The following GRID2IP variants were observed in gnomAD, a reference collection of about 807,000 sequenced individuals.
The protein encoded by GRID2IP is Grid2 interacting protein.
Under a neutral mutation model 114.3 loss-of-function variants are expected in GRID2IP, and 78 were observed. The observed-to-expected ratio is 0.68, with a 90% CI of 0.57 to 0.82. The LOEUF is 0.82. GRID2IP is among the 40% of genes least tolerant of loss of function. The probability of loss-of-function intolerance (pLI) is 0.00; values close to 1 mark genes in which losing one functional copy is unlikely to be tolerated. For synonymous variants in GRID2IP, 809 were observed against 724.0 expected (o/e 1.12, Z -1.89); for missense variants, 1,727 against 1,678.5 (o/e 1.03, Z -0.51).
chr7:6,535,451 C>T (rs894171052), intron 2 of GRID2IP, among the ~76,000 whole-genome samples: 36 of 152,216 alleles, frequency 2.4e-4, no homozygotes, highest in Non-Finnish European at 3.8e-4. Context: ...TGGGATCACC[C>T]TTTAGTGAGG....
chr7:6,543,159 C>A (rs145682489), intron 1 of GRID2IP, among the ~76,000 whole-genome samples: 7 of 152,252 alleles, frequency 4.6e-5, no homozygotes, highest in African/African-American at 1.4e-4. Context: ...CTTTGGGAGG[C>A]GAAGGTGGGT....
chr7:6,510,118 C>CA (rs1415464176), intron 11 of GRID2IP, among the ~76,000 whole-genome samples, 165 bp downstream of exon 11: 8 of 152,190 alleles, frequency 5.3e-5, no homozygotes, highest in African/African-American at 1.9e-4. Flanking sequence ...GCACGACCCA[C>CA]GGTACCCAGG....
chr7:6,501,814 G>C lies in GRID2IP; in HGVS notation c.3366C>G (p.Pro1122=), dbSNP rs1000880910. The C allele has an allele frequency of 6.4e-7, 1 of 1,551,378 alleles. No individual in the cohort carries two copies. The highest frequency in any genetic ancestry group is 2.4e-5 in the East Asian group (1 of 40,906). ...CCATTGCAAACTTGTCCTCGCTAGAGGGGGAAATGCTCTGGCAGGCATCCT... is the reference window on the plus strand; with the variant it reads ...CCATTGCAAACTTGTCCTCGCTAGACGGGGAAATGCTCTGGCAGGCATCCT... ...EIQDACQSIS[P]SSEDKFAMVM... is the part of the protein sequence containing the mutation. Residue 1122 remains proline (P), a synonymous_variant, in exon 20 of 22, where the codon CCC becomes CCG. Transcript: ENST00000457091.
chr7:6,521,846 G>A lies in GRID2IP; in HGVS notation c.989+42C>T, dbSNP rs1282463110. 7.0e-7 allele frequency: 1 copy of A among 1,425,470 alleles called. No individual in the cohort carries two copies. Among genetic ancestry groups the A allele is most frequent in the Admixed American group, 2.0e-5 (1 of 50,666 alleles). The allele number at this position is 1,425,470 out of a possible 1,614,324, so 88.3% of individuals were successfully genotyped here. ...GGCAGGAGTCTTGCAGGGGGTGGGGGCAGCTCCTCACCAACCCCTGGTGTC... is the reference window on the plus strand; with the variant it reads ...GGCAGGAGTCTTGCAGGGGGTGGGGACAGCTCCTCACCAACCCCTGGTGTC... On this transcript the variant is annotated intron_variant, in intron 5 of 21. Transcript: ENST00000457091. This position sits in a 1 kb window ranked among gnomAD's most constrained non-coding sequence, Gnocchi z 4.1.
intron 7 of GRID2IP, among the ~76,000 whole-genome samples, chr7:6,514,907 G>A (rs1293797977): frequency 2.0e-5 from 3 of 150,196 alleles, no homozygotes; most frequent in Non-Finnish European, 4.4e-5. Flanking sequence ...AGCTGAGATC[G>A]TGTCACTGCA....
At chr7:6,545,106 A>G (rs1391128363) in intron 1 of GRID2IP, among the ~76,000 whole-genome samples, 1 of 151,764 alleles carries the variant, frequency 6.6e-6, no homozygotes, top group Non-Finnish European at 1.5e-5. Context: ...AAAAGAAAGA[A>G]AAGAAAAAGT....
chr7:6,513,849 G>T (rs1437494624), intron 8 of GRID2IP, among the ~76,000 whole-genome samples: 1 of 151,580 alleles, frequency 6.6e-6, no homozygotes, highest in South Asian at 2.1e-4. Context: ...TTGGGAGGCC[G>T]GAGTGGGAGG....
chr7:6,508,581 C>T lies in GRID2IP; in HGVS notation c.2128-180G>A, dbSNP rs1363941606. ...GACTGTCTCACAGGTTAACCTCAGG[C>T]TGTGAGGGGGATAGCCTGGGCTAAG... On this transcript the variant is annotated intron_variant, in intron 12 of 21. Transcript: ENST00000457091. The surrounding 1 kb of genome is among the most constrained non-coding windows in gnomAD (Gnocchi z 5.6). 6.6e-6 allele frequency among the ~76,000 whole-genome samples: 1 copy of T among 151,794 alleles called. No homozygotes were observed. Among genetic ancestry groups the T allele is most frequent in the East Asian group, 1.9e-4 (1 of 5,158 alleles).
intron 2 of GRID2IP, among the ~76,000 whole-genome samples, chr7:6,537,743 G>A (rs1407244734): frequency 6.6e-6 from 1 of 151,930 alleles, no homozygotes; most frequent in Non-Finnish European, 1.5e-5. Context: ...CCAGCTACTT[G>A]GGAGGCTGAG....
rs1010720670 is a variant in GRID2IP, at chr7:6,532,534, C to A, written c.585-5765G>T. On this transcript the variant is annotated intron_variant, in intron 2 of 21. Transcript: ENST00000457091. This position sits in a 1 kb window ranked among gnomAD's most constrained non-coding sequence, Gnocchi z 4.4. ...AGACCATCACTTTGCTGTGACCCCC[C>A]GTGGCTGTACTTCTTCCTGGAAGCA... 1.3e-5 allele frequency among the ~76,000 whole-genome samples: 2 copies of A among 152,184 alleles called. No homozygotes were observed. The highest frequency in any genetic ancestry group is 2.4e-5 in the African/African-American group (1 of 41,428).
intron 1 of GRID2IP, among the ~76,000 whole-genome samples, chr7:6,550,328 G>A (rs1282580536): frequency 6.6e-6 from 1 of 152,074 alleles, no homozygotes; most frequent in African/African-American, 2.4e-5. Flanking sequence ...AAAGGGGCAC[G>A]TGGGAACATT....
Position 6,503,619 on chromosome 7 carries a change from G to A in GRID2IP, c.2779C>T (p.Arg927Trp), listed in dbSNP as rs1028364879. ...GCGAGATGTGCGGGCTCCAGGCGCC[G>A]GGGCTCCATGCTCATCAGCACCTGG... ...LRQVLMSMEP[R>W]RLEPAHLAQL... The change falls in exon 16 of 22, where the codon CGG (arginine) becomes TGG (tryptophan). Residue 927 changes from arginine (R) to tryptophan (W), a missense_variant. Physicochemically the swap from Arg to Trp is moderately radical, Grantham distance 101. Coordinates refer to ENST00000457091, the MANE Select transcript of GRID2IP (RefSeq NM_001145118.2). The A allele has an allele frequency of 5.9e-6, 9 of 1,528,814 alleles. No homozygotes were observed. The highest frequency in any genetic ancestry group is 2.0e-5 in the Admixed American group (1 of 50,658). 94.7% of individuals were successfully genotyped at this position (1,528,814 alleles called of 1,614,324 possible).
Position 6,516,209 on chromosome 7 carries a change from C to T in GRID2IP, c.1269-1680G>A, listed in dbSNP as rs1455630347. Among the ~76,000 whole-genome samples, 3 of 151,540 alleles carry T rather than the reference C, an allele frequency of 2.0e-5. No individual in the cohort carries two copies. The highest frequency in any genetic ancestry group is 2.1e-4 in the South Asian group (1 of 4,786). On this transcript the variant is annotated intron_variant, in intron 7 of 21. Transcript: ENST00000457091. This position sits in a 1 kb window ranked among gnomAD's most constrained non-coding sequence, Gnocchi z 4.3. ...AAATTTCAAAAGCCAAAACTGTGGGCGGCAAGCCACCCAGATGCCAAGGCA... is the reference window on the plus strand; with the variant it reads ...AAATTTCAAAAGCCAAAACTGTGGGTGGCAAGCCACCCAGATGCCAAGGCA...
At chr7:6,543,166 G>A (rs1348629200) in intron 1 of GRID2IP, among the ~76,000 whole-genome samples, 1 of 152,174 alleles carries the variant, frequency 6.6e-6, no homozygotes, top group Non-Finnish European at 1.5e-5. Flanking sequence ...AGGCGAAGGT[G>A]GGTGGATCAT....
intron 14 of GRID2IP, 73 bp downstream of exon 14, chr7:6,505,747 G>T: frequency 1.1e-6 from 1 of 928,768 alleles, no homozygotes; most frequent in Non-Finnish European, 1.7e-6. Flanking sequence ...TGCAGCCCTG[G>T]GAGATGCTAA....
At chr7:6,544,809 C>T (rs1306942799) in intron 1 of GRID2IP, among the ~76,000 whole-genome samples, 2 of 151,896 alleles carry the variant, frequency 1.3e-5, no homozygotes, top group South Asian at 2.1e-4. Context: ...CAGCCGGGCG[C>T]GGTGGCTCAT....
In GRID2IP at chr7:6,496,813, A is replaced by G. The variant is rs1038698118; in HGVS notation, c.*961T>C. 6.6e-6 allele frequency among the ~76,000 whole-genome samples: 1 copy of G among 151,618 alleles called. No homozygotes were observed. Among genetic ancestry groups the G allele is most frequent in the African/African-American group, 2.4e-5 (1 of 41,276 alleles). On this transcript the variant is annotated 3_prime_UTR_variant, in exon 22 of 22. Transcript: ENST00000457091. ...AAGGATCTGTCAATCAGAGAATTTT[A>G]AAAAAGGTGAAACAGTTCACACACC... is the stretch of plus-strand genomic sequence containing the variant.
intron 4 of GRID2IP, among the ~76,000 whole-genome samples, chr7:6,522,176 C>T (rs766702140): frequency 6.6e-6 from 1 of 152,016 alleles, no homozygotes; most frequent in Non-Finnish European, 1.5e-5. Flanking sequence ...ATAGCGAGAC[C>T]CCATCTCTAC....
rs1779408917 is a variant in GRID2IP, at chr7:6,521,411, T to C, written c.1084+18A>G. 2 of 1,509,776 alleles carry C rather than the reference T, an allele frequency of 1.3e-6. No individual in the cohort carries two copies. Among genetic ancestry groups the C allele is most frequent in the Non-Finnish European group, 8.9e-7 (1 of 1,121,224 alleles). 93.5% of individuals were successfully genotyped at this position (1,509,776 alleles called of 1,614,324 possible). On this transcript the variant is annotated intron_variant, in intron 6 of 21. Coordinates refer to ENST00000457091, the MANE Select transcript of GRID2IP (RefSeq NM_001145118.2). The surrounding 1 kb of genome is among the most constrained non-coding windows in gnomAD (Gnocchi z 4.1). The stretch of plus-strand genomic sequence containing the variant: ...GTCTCTGGGGGCCAAGGAAGCCAAG[T>C]GTCCATGGGGGTCTCACCACTGGCA...
Sources: allele counts gnomAD v4.1 joint callset (sites outside exome capture counted in the v4.1 genomes callset), GRCh38; gene constraint gnomAD v4.1.1; non-coding constraint Gnocchi (gnomAD v3.1); transcripts MANE v1.5; gene names NCBI Gene and HGNC (gene_info 2026-07-23, HGNC 2026-07-21).